RHOJ: variants seen among roughly 807,000 people sequenced by gnomAD.
RHOJ encodes ras homolog family member J.
Under a neutral mutation model 23.4 loss-of-function variants are expected in RHOJ, and 11 were observed. That is an observed-to-expected ratio of 0.47 (90% CI 0.30 to 0.78). The LOEUF is 0.78. Among genes scored for constraint, RHOJ ranks in the 30% least tolerant of loss-of-function variants. The pLI, the probability that RHOJ is intolerant of heterozygous loss-of-function variation, is 0.08. For missense variants in RHOJ, 254 were observed against 273.4 expected, an observed-to-expected ratio of 0.93 and a Z score of 0.50; for synonymous variants, 102 against 102.7, an observed-to-expected ratio of 0.99 and a Z score of 0.04.
At chr14:63,237,773 C>T (rs1017381590) in intron 1 of RHOJ, among the ~76,000 whole-genome samples, 3 of 152,200 alleles carry the variant, frequency 2.0e-5, no homozygotes, top group Non-Finnish European at 2.9e-5. Context: ...CTACTGGATT[C>T]GAAGGTTAGA....
intron 1 of RHOJ, among the ~76,000 whole-genome samples, chr14:63,228,198 T>G (rs758033393): frequency 2.0e-5 from 3 of 152,226 alleles, no homozygotes; most frequent in African/African-American, 7.2e-5. Flanking sequence ...ATATGTACAC[T>G]TTTACACTAA....
intron 1 of RHOJ, among the ~76,000 whole-genome samples, chr14:63,241,126 CTCAGGG>C (rs1485167519): frequency 6.6e-6 from 1 of 152,200 alleles, no homozygotes; most frequent in African/African-American, 2.4e-5. Context: ...CAAAATGCTG[CTCAGGG>C]AAAAGTCCAG....
chr14:63,278,234 T>A (rs1377502856), intron 2 of RHOJ, among the ~76,000 whole-genome samples: 1 of 152,196 alleles, frequency 6.6e-6, no homozygotes, highest in Non-Finnish European at 1.5e-5. Context: ...AACCTGTGCT[T>A]AAGTTTTAAT....
intron 1 of RHOJ, among the ~76,000 whole-genome samples, chr14:63,250,681 C>G (rs762096961): frequency 1.2e-4 from 19 of 152,172 alleles, no homozygotes; most frequent in African/African-American, 1.7e-4. Flanking sequence ...ACTTACTGCT[C>G]AGGGCTCAGT....
intron 1 of RHOJ, among the ~76,000 whole-genome samples, 186 bp downstream of exon 1, chr14:63,205,233 T>G (rs1894083633): frequency 6.6e-6 from 1 of 152,212 alleles, no homozygotes; most frequent in African/African-American, 2.4e-5. Flanking sequence ...CATCAATGTG[T>G]ATGGTAACAC....
At chr14:63,236,748 A>AACACACACACACACACACACAC (rs59297455) in intron 1 of RHOJ, among the ~76,000 whole-genome samples, 8 of 138,362 alleles carry the variant, frequency 5.8e-5, no homozygotes, top group African/African-American at 1.9e-4. Context: ...AGAGGCTTGA[A>AACACACACACACACACACACAC]ACACACACAC....
At chr14:63,233,794 C>G (rs1050422106) in intron 1 of RHOJ, among the ~76,000 whole-genome samples, 1 of 152,194 alleles carries the variant, frequency 6.6e-6, no homozygotes, top group East Asian at 1.9e-4. Context: ...GACTCATTCT[C>G]CATATTACCA....
intron 1 of RHOJ, among the ~76,000 whole-genome samples, chr14:63,225,070 G>A (rs1894566363): frequency 6.7e-6 from 1 of 150,258 alleles, no homozygotes; most frequent in Admixed American, 6.7e-5. Flanking sequence ...TCCTGCCTCA[G>A]CCTCCCGAGT....
At chr14:63,221,126 C>A (rs921491780) in intron 1 of RHOJ, among the ~76,000 whole-genome samples, 1 of 151,960 alleles carries the variant, frequency 6.6e-6, no homozygotes, top group African/African-American at 2.4e-5. Context: ...TCCAGGAGTT[C>A]GAGACCAGCC....
chr14:63,236,051 T>C (rs979634903), intron 1 of RHOJ, among the ~76,000 whole-genome samples: 1 of 152,244 alleles, frequency 6.6e-6, no homozygotes, highest in Non-Finnish European at 1.5e-5. Flanking sequence ...GCAGCAATCA[T>C]GAACAGGTTT....
intron 2 of RHOJ, 143 bp downstream of exon 2, chr14:63,269,311 A>T: frequency 1.9e-6 from 1 of 535,498 alleles, no homozygotes. Flanking sequence ...CTAAATGACG[A>T]CCAAAAGCAC....
At chr14:63,237,805 G>A (rs756620747) in intron 1 of RHOJ, among the ~76,000 whole-genome samples, 6 of 149,316 alleles carry the variant, frequency 4.0e-5, no homozygotes, top group Non-Finnish European at 9.0e-5. Context: ...GGTGTGGATC[G>A]TCAGACTATC....
chr14:63,284,602 A>T (rs1027062989), intron 4 of RHOJ, among the ~76,000 whole-genome samples: 1 of 152,204 alleles, frequency 6.6e-6, no homozygotes, highest in Non-Finnish European at 1.5e-5. Context: ...CCTTGGGTGA[A>T]ATGGGTTTAT....
intron 1 of RHOJ, among the ~76,000 whole-genome samples, chr14:63,253,621 G>T (rs560452164): frequency 2.0e-5 from 3 of 152,168 alleles, no homozygotes; most frequent in Admixed American, 2.0e-4. Flanking sequence ...CTTTCCTCCA[G>T]CCATTTCTAT....
intron 1 of RHOJ, among the ~76,000 whole-genome samples, chr14:63,230,943 C>T (rs910403658): frequency 2.7e-5 from 4 of 148,900 alleles, no homozygotes; most frequent in Non-Finnish European, 4.4e-5. Context: ...TGGGTTCAAG[C>T]AACTGTGTGA....
rs1479180794 is a variant in RHOJ at position 63,292,161 on chromosome 14, A to T, written c.*1137A>T. The T allele has an allele frequency of 6.6e-6, 1 of 152,194 alleles. No homozygotes were observed. The highest frequency in any genetic ancestry group is 1.5e-5 in the Non-Finnish European group (1 of 68,038). 9.4% of individuals were successfully genotyped at this position (152,194 alleles called of 1,614,324 possible). A position where few individuals can be genotyped will look rare whatever the true frequency, so the allele number is the denominator to read the frequency against. On this transcript the variant is annotated 3_prime_UTR_variant, in exon 5 of 5. Transcript: ENST00000316754. ...CTCAGCTCGCCCCATGTAAGTTCTC[A>T]TTCCATGTAAATGACATTTTCCAGT...
At chr14:63,214,313 A>C (rs921315829) in intron 1 of RHOJ, among the ~76,000 whole-genome samples, 1 of 152,222 alleles carries the variant, frequency 6.6e-6, no homozygotes, top group African/African-American at 2.4e-5. Context: ...TTTAGAGTTC[A>C]AACCCATTTA....
chr14:63,238,402 T>C (rs1894826082), intron 1 of RHOJ, among the ~76,000 whole-genome samples: 1 of 152,104 alleles, frequency 6.6e-6, no homozygotes, highest in Non-Finnish European at 1.5e-5. Flanking sequence ...AGTCTTGAGC[T>C]ATGCATTTTA....
chr14:63,269,114 T>C lies in RHOJ; in HGVS notation c.183T>C (p.Thr61=). Reference sequence around the variant, plus strand: ...TTCTTTTCTCTTCTCCCCTAGTTACTGTGACTGTGGGAGGCAAGCAACACT... The same window carrying C: ...TTCTTTTCTCTTCTCCCCTAGTTACCGTGACTGTGGGAGGCAAGCAACACT... ...VPTVFDHYAV[T]VTVGGKQHLL... Residue 61 remains threonine (T), a synonymous_variant, in exon 2 of 5, where the codon ACT becomes ACC. Coordinates refer to ENST00000316754, the MANE Select transcript of RHOJ (RefSeq NM_020663.5). The C allele has an allele frequency of 1.2e-6, 2 of 1,610,952 alleles. No homozygotes were observed. Among genetic ancestry groups the C allele is most frequent in the Non-Finnish European group, 1.7e-6 (2 of 1,177,244 alleles).
Sources: gnomAD v4.1 joint callset for allele counts (sites outside exome capture counted in the v4.1 genomes callset) on GRCh38, gnomAD v4.1.1 for gene constraint, MANE v1.5 for transcripts, NCBI Gene and HGNC (gene_info 2026-07-23, HGNC 2026-07-21) for gene names.